Variants in SYT10 observed in about 807,000 individuals in gnomAD.
The protein encoded by SYT10 is synaptotagmin-10.
Under a neutral mutation model 51.1 loss-of-function variants are expected in SYT10, and 31 were observed. The observed-to-expected ratio is 0.61, with a 90% confidence interval of 0.46 to 0.82. SYT10 has a LOEUF of 0.82. SYT10 is among the 40% of genes least tolerant of loss of function. The probability of loss-of-function intolerance (pLI) is 0.00; values close to 1 mark genes in which losing one functional copy is unlikely to be tolerated. For missense variants in SYT10, 603 were observed against 634.0 expected, an observed-to-expected ratio of 0.95 and a Z score of 0.53; for synonymous variants, 233 against 225.9, an observed-to-expected ratio of 1.03 and a Z score of -0.28.
chr12:33,387,714 G>A (rs1866168626), intron 3 of SYT10, among the ~76,000 whole-genome samples: 1 of 150,944 alleles, frequency 6.6e-6, no homozygotes. Flanking sequence ...GCCTACTGCT[G>A]AAGAAGGAAC....
intron 3 of SYT10, among the ~76,000 whole-genome samples, chr12:33,396,311 A>G (rs2138402073): frequency 6.6e-6 from 1 of 152,340 alleles, no homozygotes; most frequent in Non-Finnish European, 1.5e-5. Context: ...TTGGAGCAGT[A>G]AAGAATGCAG....
At chr12:33,391,652 G>C (rs1866208399) in intron 3 of SYT10, among the ~76,000 whole-genome samples, 1 of 152,156 alleles carries the variant, frequency 6.6e-6, no homozygotes, top group Non-Finnish European at 1.5e-5. Flanking sequence ...ATTATGTGGA[G>C]GGGTTGCAGT....
chr12:33,428,395 T>A (rs1381913306), intron 1 of SYT10, among the ~76,000 whole-genome samples: 2 of 117,980 alleles, frequency 1.7e-5, no homozygotes, highest in African/African-American at 3.3e-5. Context: ...CACAGAAGAA[T>A]GGAGAAAAGG....
chr12:33,410,019 T>C (rs1866392416), intron 2 of SYT10, among the ~76,000 whole-genome samples: 1 of 152,172 alleles, frequency 6.6e-6, no homozygotes. Flanking sequence ...CACAGTGAAG[T>C]AGTGAACTTC....
At chr12:33,384,277 C>T (rs1487547009) in intron 4 of SYT10, among the ~76,000 whole-genome samples, 1 of 152,128 alleles carries the variant, frequency 6.6e-6, no homozygotes, top group African/African-American at 2.4e-5. Context: ...TTTTTTACCT[C>T]CTTTTTAAAA....
At chr12:33,418,829 T>C (rs1350947746) in intron 2 of SYT10, among the ~76,000 whole-genome samples, 6 of 152,190 alleles carry the variant, frequency 3.9e-5, no homozygotes, top group Non-Finnish European at 8.8e-5. Flanking sequence ...CTTCTATCCA[T>C]GTGCCTTCCT....
At chr12:33,429,199 G>A (rs1591998378) in intron 1 of SYT10, among the ~76,000 whole-genome samples, 1 of 152,192 alleles carries the variant, frequency 6.6e-6, no homozygotes, top group Admixed American at 6.5e-5. Flanking sequence ...GAATTGGATT[G>A]CTTCTTTCTT....
Position 33,426,150 on chromosome 12 carries a change from G to A in SYT10, c.497C>T (p.Thr166Met), listed in dbSNP as rs201008299. ...AATCTTTCCTTACCGGGTTGATGAC[G>A]TAGGCTCAGTAATTTGTCTTTGCAC... Reference protein sequence around the residue: ...ARVQRQITEPTSSTRHSSFRR... With the variant: ...ARVQRQITEPMSSTRHSSFRR... The change falls in exon 2 of 7, where the codon ACG becomes ATG. Residue 166 changes from threonine to methionine, a missense_variant. Transcript: ENST00000228567. 1.2e-3 allele frequency: 1,894 copies of A among 1,602,956 alleles called. 31 individuals carry two copies. In the South Asian group the frequency reaches 0.02, roughly 17 times the overall value.
intron 3 of SYT10, among the ~76,000 whole-genome samples, chr12:33,401,383 C>T (rs556465157): frequency 6.6e-6 from 1 of 152,040 alleles, no homozygotes. Flanking sequence ...GTTGGCTTGC[C>T]AGATTTGTGA....
chr12:33,419,028 T>G (rs1866478150), intron 2 of SYT10, among the ~76,000 whole-genome samples: 1 of 152,134 alleles, frequency 6.6e-6, no homozygotes, highest in Non-Finnish European at 1.5e-5. Context: ...GGGTTCTAGC[T>G]TCAGGGCCTT....
intron 1 of SYT10, among the ~76,000 whole-genome samples, chr12:33,433,186 A>G (rs1866610661): frequency 6.6e-6 from 1 of 152,194 alleles, no homozygotes; most frequent in South Asian, 2.1e-4. Context: ...GCATTGTGCC[A>G]GTTAGACAAA....
intron 3 of SYT10, among the ~76,000 whole-genome samples, chr12:33,385,971 G>A (rs919317867): frequency 6.6e-6 from 1 of 151,956 alleles, no homozygotes; most frequent in African/African-American, 2.4e-5. Flanking sequence ...TGGTGTGCCT[G>A]GGACATTCCT....
chr12:33,393,385 C>T (rs1866227152), intron 3 of SYT10, among the ~76,000 whole-genome samples: 1 of 152,120 alleles, frequency 6.6e-6, no homozygotes, highest in South Asian at 2.1e-4. Flanking sequence ...CAGATAGGGG[C>T]ATGAAAACCT....
rs751155033 is a variant in SYT10, at chr12:33,382,426, A to G, written c.1293T>C (p.Asn431=). 2.9e-5 allele frequency: 46 copies of G among 1,613,394 alleles called. No individual in the cohort carries two copies. The South Asian group carries it at 4.9e-4, about 17-fold the overall frequency. The change falls in exon 5 of 7, where the codon AAT becomes AAC. Residue 431 remains asparagine, a synonymous_variant. Transcript: ENST00000228567. ...TKKNTLNPVY[N]EAIIFDIPPE... ...GAGGGATGTCAAAAATAATGGCCTC[A>G]TTGTACACAGGGTTTAGAGTGTTTT...
rs555649750 is a variant in SYT10, at chr12:33,379,635, G to GT, written c.1500+196dup. Among the ~76,000 whole-genome samples the GT allele has an allele frequency of 1.8e-3, 246 of 140,566 alleles. 1 individual carries two copies. Among genetic ancestry groups the GT allele is most frequent in the Middle Eastern group, 0.011 (3 of 268 alleles). 92.2% of individuals were successfully genotyped at this position (140,566 alleles called of 152,430 possible). A position where few individuals can be genotyped will look rare whatever the true frequency, so the allele number is the denominator to read the frequency against. On this transcript the variant is annotated intron_variant, in intron 6 of 6. Coordinates refer to ENST00000228567, the MANE Select transcript of SYT10 (RefSeq NM_198992.4). ...GAATATGAAGCCCAGAAAATGTAGT[G>GT]TTTTTTAAAATCCAGGAAGGCACAC...
intron 2 of SYT10, among the ~76,000 whole-genome samples, chr12:33,417,157 T>C (rs903527399): frequency 2.6e-5 from 4 of 152,284 alleles, no homozygotes; most frequent in African/African-American, 9.6e-5. Context: ...AAAACTCACA[T>C]TGAAACTTAA....
chr12:33,387,151 C>G (rs1290885520), intron 3 of SYT10, among the ~76,000 whole-genome samples: 2 of 152,132 alleles, frequency 1.3e-5, no homozygotes, highest in Non-Finnish European at 2.9e-5. Flanking sequence ...CTATTAACAT[C>G]TATTGGGCTT....
intron 1 of SYT10, among the ~76,000 whole-genome samples, chr12:33,434,512 A>C (rs74832235): frequency 0.023 from 3,575 of 152,318 alleles, 59 homozygotes; most frequent in Non-Finnish European, 0.034. Flanking sequence ...CATTTAAAAA[A>C]TATTAATTGG....
intron 3 of SYT10, among the ~76,000 whole-genome samples, chr12:33,406,159 T>G (rs1866351241): frequency 6.6e-6 from 1 of 152,082 alleles, no homozygotes; most frequent in African/African-American, 2.4e-5. Context: ...TTTTTTAAAT[T>G]TTCAGTACTA....
Sources: allele counts gnomAD v4.1 joint callset (sites outside exome capture counted in the v4.1 genomes callset), GRCh38; gene constraint gnomAD v4.1.1; transcripts MANE v1.5; gene names NCBI Gene and HGNC (gene_info 2026-07-23, HGNC 2026-07-21).